The following GLG1 variants were observed in gnomAD, a reference collection of about 807,000 sequenced individuals.
The protein encoded by GLG1 is golgi glycoprotein 1, also known as Golgi apparatus protein 1.
GLG1 carries 38 observed loss-of-function variants against 160.5 expected under a neutral mutation model. The observed-to-expected ratio is 0.24, with a 90% CI of 0.18 to 0.31. The LOEUF (loss-of-function observed/expected upper bound fraction) is 0.31, where lower values mean the gene tolerates loss of function less well. Among genes scored for constraint, GLG1 ranks in the 10% least tolerant of loss-of-function variants. GLG1 has a pLI of 1.00. For synonymous variants in GLG1, 644 were observed against 543.4 expected (o/e 1.19, Z -2.57); for missense variants, 1,373 against 1,505.2 (o/e 0.91, Z 1.45).
At chr16:74,479,806 G>A (rs566553488) in intron 11 of GLG1, among the ~76,000 whole-genome samples, 1 of 152,194 alleles carries the variant, frequency 6.6e-6, no homozygotes, top group African/African-American at 2.4e-5. Flanking sequence ...AATACCAAGA[G>A]ACTGAGGTAT....
At chr16:74,601,800 A>T (rs1320854548) in intron 1 of GLG1, among the ~76,000 whole-genome samples, 2 of 152,202 alleles carry the variant, frequency 1.3e-5, no homozygotes. Flanking sequence ...TTATAAACCT[A>T]TGGCATTCTC....
chr16:74,462,463 T>C (rs1359469477), intron 21 of GLG1, 25 bp downstream of exon 21: 8 of 1,603,286 alleles, frequency 5.0e-6, no homozygotes, highest in Non-Finnish European at 6.8e-6. Context: ...AAATACACCT[T>C]TGTGGAGAGC....
At chr16:74,499,304 G>T (rs2016324049) in intron 4 of GLG1, among the ~76,000 whole-genome samples, 1 of 152,076 alleles carries the variant, frequency 6.6e-6, no homozygotes, top group African/African-American at 2.4e-5. Flanking sequence ...GCAGTGGAGG[G>T]ATCACAGCTC....
At chr16:74,579,119 T>G (rs1438068528) in intron 1 of GLG1, among the ~76,000 whole-genome samples, 1 of 152,176 alleles carries the variant, frequency 6.6e-6, no homozygotes, top group Non-Finnish European at 1.5e-5. Flanking sequence ...AGTTCCAGGC[T>G]GTAGTGAGCT....
At chr16:74,457,768 A>C (rs900828354) in intron 24 of GLG1, 106 bp downstream of exon 24, 4 of 1,020,794 alleles carry the variant, frequency 3.9e-6, no homozygotes, top group Non-Finnish European at 5.8e-6. Context: ...CTGGGCTACA[A>C]CTACAGACCA....
intron 1 of GLG1, among the ~76,000 whole-genome samples, chr16:74,587,208 G>C (rs1958074735): frequency 6.6e-6 from 1 of 152,164 alleles, no homozygotes; most frequent in Non-Finnish European, 1.5e-5. Flanking sequence ...ATCCCTGAGA[G>C]AAGGCAACAA....
intron 8 of GLG1, among the ~76,000 whole-genome samples, chr16:74,487,055 G>A (rs1473048694): frequency 1.3e-5 from 2 of 151,570 alleles, no homozygotes; most frequent in African/African-American, 2.4e-5. Flanking sequence ...CTGGGACTAC[G>A]GGCATGTACC....
intron 1 of GLG1, among the ~76,000 whole-genome samples, chr16:74,601,788 A>G (rs1958445762): frequency 2.0e-5 from 3 of 152,188 alleles, no homozygotes; most frequent in Admixed American, 2.0e-4. Flanking sequence ...TTTAGCATAC[A>G]TTTATAAACC....
At chr16:74,550,349 G>A (rs2018164896) in intron 1 of GLG1, among the ~76,000 whole-genome samples, 1 of 152,036 alleles carries the variant, frequency 6.6e-6, no homozygotes, top group Non-Finnish European at 1.5e-5. Flanking sequence ...AGACCATGAT[G>A]TACTGGAATC....
At chr16:74,592,143 CTGATTGAT>C (rs568250091) in intron 1 of GLG1, among the ~76,000 whole-genome samples, 10 of 152,062 alleles carry the variant, frequency 6.6e-5, no homozygotes, top group Non-Finnish European at 1.3e-4. Context: ...AATTTATTCA[CTGATTGAT>C]TGATTGATTG....
At chr16:74,523,541 A>G (rs995325133) in intron 2 of GLG1, among the ~76,000 whole-genome samples, 2 of 152,174 alleles carry the variant, frequency 1.3e-5, no homozygotes, top group African/African-American at 4.8e-5. Flanking sequence ...CATTTTTTAT[A>G]ACACCAAGTC....
intron 2 of GLG1, among the ~76,000 whole-genome samples, chr16:74,510,754 A>G (rs146402513): frequency 8.1e-4 from 123 of 152,304 alleles, no homozygotes; most frequent in Admixed American, 2.3e-3. Context: ...CTGGTGGATA[A>G]AACATAAGGA....
chr16:74,462,714 T>C, intron 20 of GLG1, 84 bp from the exon 21 acceptor site: 2 of 1,243,318 alleles, frequency 1.6e-6, no homozygotes, highest in Non-Finnish European at 2.4e-6. Context: ...AAAGGGAGCA[T>C]ATTATGTCAA....
In GLG1 at chr16:74,491,024, G is replaced by T. The variant is rs774350675; in HGVS notation, c.1426C>A (p.Leu476Ile). 1.9e-6 allele frequency: 3 copies of T among 1,613,798 alleles called. No individual in the cohort carries two copies. In the South Asian group the frequency reaches 3.3e-5, roughly 18 times the overall value. ...MKVVRGEKGN[L>I]GMNCQQALQT... ...ACCGCCTGCTGGCAGTTCATTCCAA[G>T]GTTCCCCTTCTCCCCTCGAACTACT... is the stretch of plus-strand genomic sequence containing the variant. The change falls in exon 8 of 26, where the codon CTT becomes ATT. Residue 476 changes from leucine (L) to isoleucine (I), a missense_variant. Leu to Ile is a conservative substitution (Grantham distance 5). Transcript: ENST00000422840.
intron 1 of GLG1, among the ~76,000 whole-genome samples, chr16:74,567,520 C>T (rs1314999709): frequency 1.3e-5 from 2 of 150,790 alleles, no homozygotes; most frequent in East Asian, 3.9e-4. Flanking sequence ...TCACTGCTTC[C>T]TGTGCTGAAA....
intron 2 of GLG1, 108 bp from the exon 3 acceptor site, chr16:74,509,033 G>A: frequency 1.8e-6 from 1 of 561,380 alleles, no homozygotes; most frequent in Non-Finnish European, 3.2e-6. Context: ...GTCAGACAAA[G>A]CATATTCACA....
intron 1 of GLG1, among the ~76,000 whole-genome samples, chr16:74,556,993 G>A (rs1327795896): frequency 6.6e-6 from 1 of 152,018 alleles, no homozygotes; most frequent in African/African-American, 2.4e-5. Flanking sequence ...GAACAGTGAA[G>A]TACTTTATAA....
chr16:74,523,006 T>A (rs1454520360), intron 2 of GLG1, among the ~76,000 whole-genome samples: 2 of 152,200 alleles, frequency 1.3e-5, no homozygotes, highest in East Asian at 1.9e-4. Context: ...ATGAAACAGA[T>A]TTTTAAGTAA....
chr16:74,450,339 C>T lies in GLG1; in HGVS notation c.*2828G>A, dbSNP rs1392708588. 1 of 152,180 alleles carries T rather than the reference C, an allele frequency of 6.6e-6. No individual in the cohort carries two copies. Among genetic ancestry groups the T allele is most frequent in the Non-Finnish European group, 1.5e-5 (1 of 68,036 alleles). 9.4% of individuals were successfully genotyped at this position (152,180 alleles called of 1,614,324 possible). A position where few individuals can be genotyped will look rare whatever the true frequency, so the allele number is the denominator to read the frequency against. On this transcript the variant is annotated 3_prime_UTR_variant, in exon 26 of 26. Transcript: ENST00000422840. ...GGCCAGGAACCAGGGGTGCCCCAGG[C>T]CCTGTTTTGTTTTGCCAAATGAGGG...
Sources: allele counts gnomAD v4.1 joint callset (sites outside exome capture counted in the v4.1 genomes callset), GRCh38; gene constraint gnomAD v4.1.1; transcripts MANE v1.5; gene names NCBI Gene and HGNC (gene_info 2026-07-23, HGNC 2026-07-21).